Variants in NMNAT2 observed in about 807,000 individuals in gnomAD.
NMNAT2 encodes the protein nicotinamide nucleotide adenylyltransferase 2.
NMNAT2 carries 11 observed loss-of-function variants against 41.6 expected under a neutral mutation model. The observed-to-expected ratio is 0.26, with a 90% CI of 0.17 to 0.44. NMNAT2 has a LOEUF of 0.44. Ranked by LOEUF, NMNAT2 falls within the 20% of genes least tolerant of loss-of-function variation. The probability of loss-of-function intolerance (pLI) is 1.00; values close to 1 mark genes in which losing one functional copy is unlikely to be tolerated. For missense variants in NMNAT2, 288 were observed against 407.7 expected (o/e 0.71, Z 2.53); for synonymous variants, 148 against 151.2 (o/e 0.98, Z 0.16).
chr1:183,394,284 C>A (rs540493093), intron 1 of NMNAT2, among the ~76,000 whole-genome samples: 1 of 152,236 alleles, frequency 6.6e-6, no homozygotes, highest in East Asian at 1.9e-4. Context: ...TAAAGCAAAA[C>A]AAAGCAGAGC....
At chr1:183,330,159 C>G (rs1324992517) in intron 1 of NMNAT2, among the ~76,000 whole-genome samples, 3 of 152,208 alleles carry the variant, frequency 2.0e-5, no homozygotes, top group Non-Finnish European at 4.4e-5. Flanking sequence ...GGCTTTATGC[C>G]TCAGTTGCCT....
intron 7 of NMNAT2, 167 bp downstream of exon 7, chr1:183,283,828 C>A (rs1462853476): frequency 2.9e-6 from 2 of 696,326 alleles, no homozygotes; most frequent in African/African-American, 3.5e-5. Flanking sequence ...TTAAAGGGAG[C>A]TAACTACGAA....
intron 1 of NMNAT2, among the ~76,000 whole-genome samples, chr1:183,389,739 A>G (rs964890567): frequency 3.4e-3 from 22 of 6,530 alleles, no homozygotes; most frequent in Non-Finnish European, 5.4e-3. Flanking sequence ...CTGTCAAAAA[A>G]GAAAGAAAGA....
intron 1 of NMNAT2, among the ~76,000 whole-genome samples, chr1:183,370,020 G>C (rs949325509): frequency 6.6e-6 from 1 of 152,040 alleles, no homozygotes; most frequent in Non-Finnish European, 1.5e-5. Context: ...AAAGAGAACA[G>C]AGGACCCTCC....
intron 1 of NMNAT2, among the ~76,000 whole-genome samples, chr1:183,395,208 A>G (rs1375076363): frequency 6.6e-6 from 1 of 152,184 alleles, no homozygotes; most frequent in Non-Finnish European, 1.5e-5. Flanking sequence ...ATGCAGGGGC[A>G]TGCTTGCAGA....
chr1:183,321,309 G>A (rs1247869373), intron 1 of NMNAT2, among the ~76,000 whole-genome samples: 3 of 152,108 alleles, frequency 2.0e-5, no homozygotes, highest in Non-Finnish European at 2.9e-5. Context: ...ATAATAAAGG[G>A]CTAAGAGAGA....
chr1:183,327,427 A>G (rs1662493122), intron 1 of NMNAT2, among the ~76,000 whole-genome samples: 1 of 152,230 alleles, frequency 6.6e-6, no homozygotes, highest in African/African-American at 2.4e-5. Context: ...TCACACAGCG[A>G]ATTATGAAGA....
chr1:183,378,268 C>T (rs1357745405), intron 1 of NMNAT2, among the ~76,000 whole-genome samples: 2 of 151,960 alleles, frequency 1.3e-5, no homozygotes, highest in African/African-American at 4.8e-5. Flanking sequence ...GTGGTGGGAG[C>T]CTGTAATCCC....
intron 1 of NMNAT2, among the ~76,000 whole-genome samples, chr1:183,334,641 T>C (rs595617): frequency 0.71 from 108,210 of 151,666 alleles, 38,749 homozygotes; most frequent in East Asian, 0.9. Context: ...TCCTGAGTAG[T>C]TGGGATTACA....
intron 1 of NMNAT2, among the ~76,000 whole-genome samples, chr1:183,327,225 A>T (rs1478593594): frequency 6.6e-6 from 1 of 151,924 alleles, no homozygotes; most frequent in Admixed American, 6.6e-5. Flanking sequence ...TAATTTTTGT[A>T]TTTTTAGTAG....
intron 1 of NMNAT2, among the ~76,000 whole-genome samples, chr1:183,410,514 T>C (rs867226450): frequency 1.7e-4 from 26 of 152,212 alleles, no homozygotes; most frequent in African/African-American, 6.0e-4. Flanking sequence ...ATCTGCCATG[T>C]ACTCCTTTGC....
intron 1 of NMNAT2, among the ~76,000 whole-genome samples, chr1:183,356,919 A>G (rs1172597074): frequency 6.6e-6 from 1 of 152,210 alleles, no homozygotes; most frequent in Non-Finnish European, 1.5e-5. Context: ...GCTGCATAGT[A>G]TTCCATGGTG....
At chr1:183,267,918 T>C (rs914068652) in intron 8 of NMNAT2, among the ~76,000 whole-genome samples, 1 of 152,128 alleles carries the variant, frequency 6.6e-6, no homozygotes, top group Non-Finnish European at 1.5e-5. Context: ...CCCTGCAGCA[T>C]ACAGTGGCCC....
At chr1:183,304,129 T>C (rs917637951) in intron 1 of NMNAT2, among the ~76,000 whole-genome samples, 3 of 152,186 alleles carry the variant, frequency 2.0e-5, no homozygotes, top group Non-Finnish European at 4.4e-5. Flanking sequence ...TTATGTGACT[T>C]GTGTCTTGTG....
chr1:183,383,383 A>G (rs1176305823), intron 1 of NMNAT2, among the ~76,000 whole-genome samples: 1 of 152,220 alleles, frequency 6.6e-6, no homozygotes. Context: ...ATCTTGGCTA[A>G]TAACACTAGA....
At chr1:183,381,130 A>G (rs961458995) in intron 1 of NMNAT2, among the ~76,000 whole-genome samples, 1 of 152,174 alleles carries the variant, frequency 6.6e-6, no homozygotes. Flanking sequence ...GAAGGGTCAA[A>G]GGATGGTTGT....
At chr1:183,271,223 A>G (rs1314876508) in intron 8 of NMNAT2, among the ~76,000 whole-genome samples, 1 of 152,252 alleles carries the variant, frequency 6.6e-6, no homozygotes, top group Non-Finnish European at 1.5e-5. Flanking sequence ...ACATGTAATC[A>G]TTAAACTTAA....
chr1:183,254,900 T>G (rs1660479185), intron 10 of NMNAT2, among the ~76,000 whole-genome samples: 1 of 152,244 alleles, frequency 6.6e-6, no homozygotes, highest in Non-Finnish European at 1.5e-5. Flanking sequence ...TCCTTTGCTG[T>G]ACAGAAGCTT....
At chr1:183,259,793 G>T (rs190435558) in intron 10 of NMNAT2, among the ~76,000 whole-genome samples, 85 of 152,192 alleles carry the variant, frequency 5.6e-4, no homozygotes, top group African/African-American at 2.0e-3. Context: ...TGGAGACGGG[G>T]TTTCACCGTG....
Sources: allele counts gnomAD v4.1 joint callset (sites outside exome capture counted in the v4.1 genomes callset), GRCh38; gene constraint gnomAD v4.1.1; transcripts MANE v1.5; gene names NCBI Gene and HGNC (gene_info 2026-07-23, HGNC 2026-07-21).